The following OLFML1 variants were observed in gnomAD, a reference collection of about 807,000 sequenced individuals.
The protein encoded by OLFML1 is olfactomedin-like protein 1.
A neutral mutation model predicts 37.3 loss-of-function variants in OLFML1; 33 were observed. The observed-to-expected ratio is 0.88, with a 90% confidence interval of 0.67 to 1.18. The LOEUF (loss-of-function observed/expected upper bound fraction) is 1.18, where lower values mean the gene tolerates loss of function less well. OLFML1 is among the 50% of genes most tolerant of loss of function. OLFML1 has a pLI of 0.00. For missense variants in OLFML1, 545 were observed against 483.7 expected (o/e 1.13, Z -1.19); for synonymous variants, 186 against 181.3 (o/e 1.03, Z -0.21).
chr11:7,492,790 G>A (rs1482757829), intron 2 of OLFML1, among the ~76,000 whole-genome samples: 1 of 152,138 alleles, frequency 6.6e-6, no homozygotes, highest in Non-Finnish European at 1.5e-5. Context: ...AATGTAGGAT[G>A]CAAAGGAGTG....
At chr11:7,488,802 A>T (rs1848560722) in intron 2 of OLFML1, 1 of 165,460 alleles carries the variant, frequency 6.0e-6, no homozygotes, top group Admixed American at 5.9e-5. Context: ...CTGCAAATGT[A>T]CCAAGAAACA....
At chr11:7,486,055 CTTA>C (rs765950101) in intron 1 of OLFML1, 51 bp downstream of exon 1, 7 of 1,559,374 alleles carry the variant, frequency 4.5e-6, no homozygotes, top group Non-Finnish European at 6.1e-6. Context: ...CCAGAAGTAC[CTTA>C]TTTTTACCCA....
At chr11:7,492,387 T>C (rs1015755049) in intron 2 of OLFML1, among the ~76,000 whole-genome samples, 2 of 152,214 alleles carry the variant, frequency 1.3e-5, no homozygotes, top group African/African-American at 4.8e-5. Flanking sequence ...GTTTCATTCA[T>C]ATGTACGCAT....
chr11:7,505,279 G>C (rs1590063220), intron 2 of OLFML1, among the ~76,000 whole-genome samples: 1 of 151,970 alleles, frequency 6.6e-6, no homozygotes, highest in Non-Finnish European at 1.5e-5. Context: ...ATTTGAAGGA[G>C]CTCCTCAGAG....
intron 2 of OLFML1, among the ~76,000 whole-genome samples, chr11:7,496,518 G>A (rs1290284300): frequency 6.6e-6 from 1 of 152,118 alleles, no homozygotes; most frequent in Non-Finnish European, 1.5e-5. Flanking sequence ...CAGGAAGCAG[G>A]CCCTAGACCA....
chr11:7,503,240 A>G (rs1318215751), intron 2 of OLFML1, among the ~76,000 whole-genome samples: 1 of 152,188 alleles, frequency 6.6e-6, no homozygotes, highest in Admixed American at 6.5e-5. Context: ...GATGATTCAG[A>G]AAGTGATTGT....
rs141586682 is a variant in OLFML1 at position 7,487,140 on chromosome 11, T to C, written c.130-987T>C. Reference sequence around the variant, plus strand: ...GTCAAGGGTATGAAGTACAGACTGATCCTTTTATAGCTATGAATGTGGATT... The same window carrying C: ...GTCAAGGGTATGAAGTACAGACTGACCCTTTTATAGCTATGAATGTGGATT... On this transcript the variant is annotated intron_variant, in intron 1 of 2. Transcript: ENST00000329293. Among the ~76,000 whole-genome samples, 253 of 152,328 alleles carry C rather than the reference T, an allele frequency of 1.7e-3. 1 individual carries two copies. Among genetic ancestry groups the C allele is most frequent in the African/African-American group, 5.2e-3 (218 of 41,554 alleles).
At position 7,488,259 on chromosome 11, in the gene OLFML1, T is replaced by G; in HGVS notation, c.262T>G (p.Leu88Val). The G allele has an allele frequency of 1.2e-6, 2 of 1,614,132 alleles. No individual in the cohort carries two copies. Among genetic ancestry groups the G allele is most frequent in the Non-Finnish European group, 1.7e-6 (2 of 1,180,010 alleles). ...TSEYKSAVGN[L>V]ALRVERAQRE... Reference sequence around the variant, plus strand: ...TGAGTACAAGAGTGCAGTGGGTAACTTGGCACTGAGAGTTGAACGTGCCCA... The same window carrying G: ...TGAGTACAAGAGTGCAGTGGGTAACGTGGCACTGAGAGTTGAACGTGCCCA... The change falls in exon 2 of 3, where the codon TTG becomes GTG. Residue 88 changes from leucine to valine, a missense_variant. Coordinates refer to ENST00000329293, the MANE Select transcript of OLFML1 (RefSeq NM_198474.4).
Position 7,510,163 on chromosome 11 carries a change from C to G in OLFML1, c.1184C>G (p.Thr395Arg). 1 of 1,609,134 alleles carries G rather than the reference C, an allele frequency of 6.2e-7. No individual in the cohort carries two copies. Among genetic ancestry groups the G allele is most frequent in the Non-Finnish European group, 8.5e-7 (1 of 1,179,360 alleles). ...AACCAGATCATTTACAAACTCCAGACAAAGAGAAAGCTGCCTCTGAAGTAA... is the reference window on the plus strand; with the variant it reads ...AACCAGATCATTTACAAACTCCAGAGAAAGAGAAAGCTGCCTCTGAAGTAA... ...EGNQIIYKLQTKRKLPLK is the reference protein window; with the variant it reads ...EGNQIIYKLQRKRKLPLK The change falls in exon 3 of 3, where the codon ACA (threonine) becomes AGA (arginine). Residue 395 changes from threonine (T) to arginine (R), a missense_variant. Physicochemically the swap from Thr to Arg is moderately conservative, Grantham distance 71 (BLOSUM62 -1). Transcript: ENST00000329293.
chr11:7,488,300 C>T lies in OLFML1; in HGVS notation c.303C>T (p.Tyr101=). 2 of 1,614,058 alleles carry T rather than the reference C, an allele frequency of 1.2e-6. No individual in the cohort carries two copies. The highest frequency in any genetic ancestry group is 1.7e-4 in the Middle Eastern group (1 of 6,060). ...RVERAQREID[Y]IQYLREADEC... is the part of the protein sequence containing the mutation. ...AACGTGCCCAACGGGAGATTGACTA[C>T]ATACAATACCTTCGAGAGGCTGACG... is the stretch of plus-strand genomic sequence containing the variant. The change falls in exon 2 of 3, where the codon TAC becomes TAT. Residue 101 remains tyrosine, a synonymous_variant. Coordinates refer to ENST00000329293, the MANE Select transcript of OLFML1 (RefSeq NM_198474.4).
chr11:7,487,749 C>T (rs1341799024), intron 1 of OLFML1, among the ~76,000 whole-genome samples: 12 of 151,986 alleles, frequency 7.9e-5, no homozygotes, highest in Admixed American at 7.9e-4. Flanking sequence ...CAAAAAGAGT[C>T]TAACAGAATA....
At chr11:7,507,328 AT>A (rs5789523) in intron 2 of OLFML1, among the ~76,000 whole-genome samples, 89,968 of 151,850 alleles carry the variant, frequency 0.59, 26,983 homozygotes, top group Non-Finnish European at 0.6. Flanking sequence ...CTAAGTGTCC[AT>A]CATACACAGG....
At chr11:7,486,965 C>T (rs908894622) in intron 1 of OLFML1, among the ~76,000 whole-genome samples, 1 of 152,160 alleles carries the variant, frequency 6.6e-6, no homozygotes, top group East Asian at 1.9e-4. Context: ...CGGCCTCTTG[C>T]GCTTCTTCAC....
At chr11:7,494,134 T>C (rs1470817251) in intron 2 of OLFML1, among the ~76,000 whole-genome samples, 1 of 152,166 alleles carries the variant, frequency 6.6e-6, no homozygotes, top group African/African-American at 2.4e-5. Context: ...AATAAAGTAA[T>C]AGGCATTTCA....
intron 1 of OLFML1, 55 bp from the exon 2 acceptor site, chr11:7,488,072 A>C: frequency 7.9e-7 from 1 of 1,261,388 alleles, no homozygotes. Context: ...TATTTATATT[A>C]TTTGGGTAAT....
intron 2 of OLFML1, among the ~76,000 whole-genome samples, chr11:7,500,081 C>T (rs1485957732): frequency 6.6e-5 from 10 of 151,994 alleles, no homozygotes; most frequent in East Asian, 1.9e-4. Context: ...TTTGTGGAGA[C>T]GAGGTCTCAC....
At chr11:7,493,207 A>G (rs1193427340) in intron 2 of OLFML1, among the ~76,000 whole-genome samples, 3 of 152,192 alleles carry the variant, frequency 2.0e-5, no homozygotes, top group African/African-American at 7.2e-5. Context: ...GAATTAAATA[A>G]CTCATATCTT....
In OLFML1 at chr11:7,509,626, C is replaced by G. The variant is rs1365110577; in HGVS notation, c.647C>G (p.Thr216Arg). 6.2e-7 allele frequency: 1 copy of G among 1,614,106 alleles called. No homozygotes were observed. Among genetic ancestry groups the G allele is most frequent in the Non-Finnish European group, 8.5e-7 (1 of 1,180,036 alleles). ...ATCCTAACACTTTCCTGGCAGGGAA[C>G]AGGCCAAGTGATCTACAAAGGTTTT... The part of the protein sequence containing the change: ...KQILTLSWQG[T>R]GQVIYKGFLF... Residue 216 changes from threonine to arginine, a missense_variant, in exon 3 of 3, where the codon ACA becomes AGA. Coordinates refer to ENST00000329293, the MANE Select transcript of OLFML1 (RefSeq NM_198474.4).
At chr11:7,505,454 T>C (rs1182273298) in intron 2 of OLFML1, among the ~76,000 whole-genome samples, 2 of 152,206 alleles carry the variant, frequency 1.3e-5, no homozygotes, top group Non-Finnish European at 2.9e-5. Context: ...AGTTTCCTCA[T>C]GCTCCTAGCA....
Sources: gnomAD v4.1 joint callset for allele counts (sites outside exome capture counted in the v4.1 genomes callset) on GRCh38, gnomAD v4.1.1 for gene constraint, MANE v1.5 for transcripts, NCBI Gene and HGNC (gene_info 2026-07-23, HGNC 2026-07-21) for gene names.